The following VAPA variants were observed in gnomAD, a reference collection of about 807,000 sequenced individuals.
VAPA encodes vesicle-associated membrane protein-associated protein A.
VAPA carries 6 observed loss-of-function variants against 25.6 expected under a neutral mutation model. That is an observed-to-expected ratio of 0.23 (90% confidence interval 0.13 to 0.46). The LOEUF (loss-of-function observed/expected upper bound fraction) is 0.46. Among genes scored for constraint, VAPA ranks in the 20% least tolerant of loss-of-function variants. The probability of loss-of-function intolerance (pLI) is 0.99; values close to 1 mark genes in which losing one functional copy is unlikely to be tolerated. For missense variants in VAPA, 244 were observed against 302.1 expected (o/e 0.81, Z 1.43); for synonymous variants, 112 against 106.2 (o/e 1.05, Z -0.34).
rs1468889708 is a variant in VAPA, at chr18:9,954,233, T to G, written c.*22T>G. 1 of 1,566,224 alleles carries G rather than the reference T, an allele frequency of 6.4e-7. No homozygotes were observed. Among genetic ancestry groups the G allele is most frequent in the Non-Finnish European group, 8.6e-7 (1 of 1,163,972 alleles). On this transcript the variant is annotated 3_prime_UTR_variant, in exon 6 of 6. Transcript: ENST00000400000. The stretch of plus-strand genomic sequence containing the variant: ...GTAGAGTGAAGCATGCAGAGTGCTG[T>G]TTCTTTTTTTTTTTTTCTCTTGACC...
intron 1 of VAPA, chr18:9,915,134 C>G (rs1210894630): frequency 1.3e-5 from 2 of 152,324 alleles, no homozygotes; most frequent in East Asian, 3.8e-4. Flanking sequence ...GCGGGGCTTC[C>G]TGCCTTCTAC....
Position 9,954,871 on chromosome 18 carries a change from A to G in VAPA, c.*660A>G, listed in dbSNP as rs747203462. ...GTTATTAGAGGGAACTCCACTATAT[A>G]TGGTCACTTGAAATTATGATGCAAA... On this transcript the variant is annotated 3_prime_UTR_variant, in exon 6 of 6. Coordinates refer to ENST00000400000, the MANE Select transcript of VAPA (RefSeq NM_194434.3). 3.3e-5 allele frequency: 5 copies of G among 152,640 alleles called. No homozygotes were observed. The highest frequency in any genetic ancestry group is 4.8e-5 in the African/African-American group (2 of 41,450). The allele number at this position is 152,640 out of a possible 1,614,324, so 9.5% of individuals were successfully genotyped here. A position where few individuals can be genotyped will look rare whatever the true frequency, so the allele number is the denominator to read the frequency against.
At chr18:9,947,656 C>T (rs2069439704) in intron 4 of VAPA, 1 of 152,174 alleles carries the variant, frequency 6.6e-6, no homozygotes, top group African/African-American at 2.4e-5. Flanking sequence ...CATGTTGAAT[C>T]TCTCTGGTGT....
At chr18:9,928,873 G>A (rs1256833177) in intron 1 of VAPA, among the ~76,000 whole-genome samples, 1 of 152,112 alleles carries the variant, frequency 6.6e-6, no homozygotes, top group Non-Finnish European at 1.5e-5. Flanking sequence ...GAGTAAGTTT[G>A]GATTTAAGAG....
chr18:9,932,261 T>C (rs962483732), intron 2 of VAPA, among the ~76,000 whole-genome samples: 4 of 152,244 alleles, frequency 2.6e-5, no homozygotes, highest in Non-Finnish European at 5.9e-5. Flanking sequence ...TGAAAAATTA[T>C]ATCATTTTTC....
At chr18:9,917,974 C>T (rs973443692) in intron 1 of VAPA, among the ~76,000 whole-genome samples, 3 of 151,936 alleles carry the variant, frequency 2.0e-5, no homozygotes, top group African/African-American at 4.8e-5. Flanking sequence ...TTTTAGGTAA[C>T]TCTCAATTGC....
At chr18:9,932,143 T>TC (rs1345417776) in intron 2 of VAPA, among the ~76,000 whole-genome samples, 181 bp downstream of exon 2, 1 of 152,260 alleles carries the variant, frequency 6.6e-6, no homozygotes. Flanking sequence ...TCACTCATCT[T>TC]CTGTGTAGGG....
Position 9,943,728 on chromosome 18 carries a change from G to C in VAPA, c.417+6662G>C, listed in dbSNP as rs556636982. ...AGTTTTATGACCTATTCAGTTCTTTGTGTTCACTTCTAAAAAATTTTTGAG... is the reference window on the plus strand; with the variant it reads ...AGTTTTATGACCTATTCAGTTCTTTCTGTTCACTTCTAAAAAATTTTTGAG... On this transcript the variant is annotated intron_variant, in intron 4 of 5. Coordinates refer to ENST00000400000, the MANE Select transcript of VAPA (RefSeq NM_194434.3). Among the ~76,000 whole-genome samples the C allele has an allele frequency of 8.7e-5, 13 of 148,586 alleles. 1 individual carries two copies. The highest frequency in any genetic ancestry group is 2.5e-4 in the African/African-American group (10 of 40,318).
At chr18:9,929,483 C>T (rs1022340811) in intron 1 of VAPA, among the ~76,000 whole-genome samples, 2 of 152,140 alleles carry the variant, frequency 1.3e-5, no homozygotes, top group African/African-American at 4.8e-5. Context: ...TCCCTGAACT[C>T]AGCTCTCCAA....
intron 1 of VAPA, among the ~76,000 whole-genome samples, chr18:9,917,570 C>T (rs866955787): frequency 6.6e-6 from 1 of 152,268 alleles, no homozygotes; most frequent in Admixed American, 6.5e-5. Flanking sequence ...CGTGAGCCAC[C>T]GCACCTGACC....
chr18:9,929,928 ATTTATATT>A (rs1330809888), intron 1 of VAPA, among the ~76,000 whole-genome samples: 7 of 152,102 alleles, frequency 4.6e-5, no homozygotes, highest in African/African-American at 1.7e-4. Context: ...TCTTTAGATA[ATTTATATT>A]TTTATGTCTA....
rs1241346487 is a variant in VAPA at position 9,956,206 on chromosome 18, G to A, written c.*1995G>A. ...AACTTTCCCCGTGTCTCACAGGTAGGTAGAGGCAGAGCTGGAACTAGATAT... is the reference window on the plus strand; with the variant it reads ...AACTTTCCCCGTGTCTCACAGGTAGATAGAGGCAGAGCTGGAACTAGATAT... On this transcript the variant is annotated 3_prime_UTR_variant, in exon 6 of 6. Coordinates refer to ENST00000400000, the MANE Select transcript of VAPA (RefSeq NM_194434.3). 6.6e-6 allele frequency: 1 copy of A among 152,186 alleles called. No individual in the cohort carries two copies. The highest frequency in any genetic ancestry group is 1.5e-5 in the Non-Finnish European group (1 of 68,052). 9.4% of individuals were successfully genotyped at this position (152,186 alleles called of 1,614,324 possible). A position where few individuals can be genotyped will look rare whatever the true frequency, so the allele number is the denominator to read the frequency against.
intron 4 of VAPA, among the ~76,000 whole-genome samples, chr18:9,942,424 TATG>T (rs1444939665): frequency 2.0e-5 from 3 of 152,038 alleles, no homozygotes; most frequent in African/African-American, 7.3e-5. Flanking sequence ...TCTTGAACTT[TATG>T]ATTTTTTTTT....
chr18:9,930,483 C>A (rs151104062), intron 1 of VAPA, among the ~76,000 whole-genome samples: 1 of 152,040 alleles, frequency 6.6e-6, no homozygotes, highest in Non-Finnish European at 1.5e-5. Flanking sequence ...TTTGTGGATT[C>A]ATGTAGTGAA....
chr18:9,951,730 A>C (rs149933782), intron 5 of VAPA, among the ~76,000 whole-genome samples: 253 of 152,360 alleles, frequency 1.7e-3, no homozygotes, highest in Non-Finnish European at 2.9e-3. Flanking sequence ...AAGCTAAATG[A>C]TGGGAGTTAT....
At chr18:9,950,800 G>T (rs1009678617) in intron 5 of VAPA, 4 of 454,278 alleles carry the variant, frequency 8.8e-6, no homozygotes, top group Non-Finnish European at 1.6e-5. Flanking sequence ...GATCTGGCCT[G>T]CAGTATTGCC....
At chr18:9,939,176 T>C (rs1333225418) in intron 4 of VAPA, among the ~76,000 whole-genome samples, 2 of 150,486 alleles carry the variant, frequency 1.3e-5, no homozygotes, top group Admixed American at 6.6e-5. Context: ...AGTTCTTCTT[T>C]TTTTTTTTTT....
intron 5 of VAPA, among the ~76,000 whole-genome samples, chr18:9,952,465 G>A (rs1458431559): frequency 6.6e-6 from 1 of 151,708 alleles, no homozygotes; most frequent in East Asian, 1.9e-4. Flanking sequence ...TACTTGGGAG[G>A]CTGAGGCAGG....
At chr18:9,922,911 A>G (rs1397267197) in intron 1 of VAPA, among the ~76,000 whole-genome samples, 3 of 152,098 alleles carry the variant, frequency 2.0e-5, no homozygotes, top group Non-Finnish European at 4.4e-5. Flanking sequence ...AATGAGATTG[A>G]ATTTGATATT....
Sources: gnomAD v4.1 joint callset for allele counts (sites outside exome capture counted in the v4.1 genomes callset) on GRCh38, gnomAD v4.1.1 for gene constraint, MANE v1.5 for transcripts, NCBI Gene and HGNC (gene_info 2026-07-23, HGNC 2026-07-21) for gene names.